The following SLC25A21 variants were observed in gnomAD, a reference collection of about 807,000 sequenced individuals.
The protein encoded by SLC25A21 is mitochondrial 2-oxodicarboxylate carrier.
In SLC25A21, 47 loss-of-function variants were observed where a neutral mutation model predicts 43.8. The observed-to-expected ratio is 1.07, with a 90% CI of 0.85 to 1.37. The LOEUF (loss-of-function observed/expected upper bound fraction) is 1.37. SLC25A21 is among the 40% of genes most tolerant of loss of function. The pLI is 0.00. For missense variants in SLC25A21, 352 were observed against 350.2 expected, an observed-to-expected ratio of 1.00 and a Z score of -0.04; for synonymous variants, 131 against 121.3, an observed-to-expected ratio of 1.08 and a Z score of -0.52.
rs530529538 is a variant in SLC25A21, at chr14:36,982,523, A to G, written c.71-107519T>C. 5.9e-5 allele frequency among the ~76,000 whole-genome samples: 9 copies of G among 152,208 alleles called. No homozygotes were observed. In the East Asian group the frequency reaches 1.3e-3, roughly 23 times the overall value. Reference sequence around the variant, plus strand: ...AAAGGTTTTAGTATTTATTAGGTGGACTGATTTTTTTTTAATTGGCTGTAC... The same window carrying G: ...AAAGGTTTTAGTATTTATTAGGTGGGCTGATTTTTTTTTAATTGGCTGTAC... On this transcript the variant is annotated intron_variant, in intron 1 of 9. Coordinates refer to ENST00000331299, the MANE Select transcript of SLC25A21 (RefSeq NM_030631.4).
intron 2 of SLC25A21, among the ~76,000 whole-genome samples, chr14:36,829,587 C>T (rs151292645): frequency 8.5e-5 from 13 of 152,282 alleles, no homozygotes; most frequent in African/African-American, 3.1e-4. Flanking sequence ...TTACATTTAA[C>T]TCATGTACAA....
At chr14:36,793,042 C>T (rs1226711492) in intron 3 of SLC25A21, among the ~76,000 whole-genome samples, 1 of 152,176 alleles carries the variant, frequency 6.6e-6, no homozygotes, top group East Asian at 1.9e-4. Flanking sequence ...GCGTCTTATA[C>T]TGGCATTACT....
chr14:37,102,761 A>G (rs2138866389), intron 1 of SLC25A21, among the ~76,000 whole-genome samples: 1 of 151,856 alleles, frequency 6.6e-6, no homozygotes, highest in East Asian at 2.0e-4. Flanking sequence ...TGACGCAAGC[A>G]GATCACTTGA....
chr14:37,053,503 T>C (rs1387028366), intron 1 of SLC25A21, among the ~76,000 whole-genome samples: 1 of 152,194 alleles, frequency 6.6e-6, no homozygotes, highest in Non-Finnish European at 1.5e-5. Flanking sequence ...TCTGACAATG[T>C]AGATACAGTA....
intron 3 of SLC25A21, among the ~76,000 whole-genome samples, chr14:36,755,424 CA>C (rs1199922579): frequency 1.3e-5 from 2 of 152,170 alleles, no homozygotes; most frequent in East Asian, 3.8e-4. Context: ...CACTCACAGG[CA>C]AGGTGATTTT....
At chr14:36,694,508 C>T (rs1271032052) in intron 7 of SLC25A21, among the ~76,000 whole-genome samples, 1 of 152,212 alleles carries the variant, frequency 6.6e-6, no homozygotes, top group African/African-American at 2.4e-5. Context: ...AATGGTTGAA[C>T]TAATTTACAC....
rs536680854 is a variant in SLC25A21 at position 36,981,604 on chromosome 14, C to T, written c.71-106600G>A. On this transcript the variant is annotated intron_variant, in intron 1 of 9. Coordinates refer to ENST00000331299, the MANE Select transcript of SLC25A21 (RefSeq NM_030631.4). The stretch of plus-strand genomic sequence containing the variant: ...ATCGCAAGGACAGAAAACCAAACAC[C>T]GCGTGTTCTCACTCATAGGTGGGAA... Among the ~76,000 whole-genome samples, 29 of 152,176 alleles carry T rather than the reference C, an allele frequency of 1.9e-4. 1 individual carries two copies. The highest frequency in any genetic ancestry group is 5.5e-4 in the African/African-American group (23 of 41,534).
intron 3 of SLC25A21, among the ~76,000 whole-genome samples, chr14:36,749,775 A>G (rs1160615399): frequency 2.0e-5 from 3 of 151,722 alleles, no homozygotes; most frequent in African/African-American, 7.3e-5. Context: ...CTCACTGTTC[A>G]CCTCCTTCAC....
At chr14:36,916,228 G>C (rs562977298) in intron 1 of SLC25A21, among the ~76,000 whole-genome samples, 6 of 152,320 alleles carry the variant, frequency 3.9e-5, no homozygotes, top group African/African-American at 1.2e-4. Flanking sequence ...AGTGACCTCT[G>C]ACAGTGCTAA....
chr14:37,054,681 A>G (rs2138802839), intron 1 of SLC25A21, among the ~76,000 whole-genome samples: 1 of 151,608 alleles, frequency 6.6e-6, no homozygotes, highest in East Asian at 1.9e-4. Context: ...AAGTTTGACA[A>G]GACTGTGGCC....
chr14:36,698,876 A>G (rs1020063988), intron 7 of SLC25A21, among the ~76,000 whole-genome samples: 1 of 152,146 alleles, frequency 6.6e-6, no homozygotes, highest in African/African-American at 2.4e-5. Context: ...CGTTTAGCTC[A>G]GAGAAGTTTG....
chr14:37,059,339 TG>T (rs1485010392), intron 1 of SLC25A21, among the ~76,000 whole-genome samples: 6 of 152,172 alleles, frequency 3.9e-5, no homozygotes, highest in Non-Finnish European at 5.9e-5. Context: ...CAGTAGACAG[TG>T]GCAGAGCGAG....
At chr14:36,876,118 T>C (rs1207270447) in intron 1 of SLC25A21, among the ~76,000 whole-genome samples, 2 of 152,212 alleles carry the variant, frequency 1.3e-5, no homozygotes, top group Admixed American at 6.5e-5. Context: ...AGTAGTTTCT[T>C]ATAGGCAGAG....
intron 1 of SLC25A21, among the ~76,000 whole-genome samples, chr14:36,884,876 T>C (rs1335205485): frequency 6.6e-6 from 1 of 152,180 alleles, no homozygotes; most frequent in Admixed American, 6.6e-5. Context: ...TATTAGTCCC[T>C]TGTCAGATGT....
At chr14:37,071,748 A>C (rs1962177898) in intron 1 of SLC25A21, among the ~76,000 whole-genome samples, 1 of 152,214 alleles carries the variant, frequency 6.6e-6, no homozygotes, top group Non-Finnish European at 1.5e-5. Flanking sequence ...TCAATTTTTT[A>C]AACTACTCTG....
chr14:36,715,083 C>A (rs1353892398), intron 6 of SLC25A21, among the ~76,000 whole-genome samples: 1 of 152,198 alleles, frequency 6.6e-6, no homozygotes, highest in Admixed American at 6.5e-5. Flanking sequence ...TTTACACACT[C>A]ATTCTTATTG....
chr14:37,144,726 A>G (rs1963629779), intron 1 of SLC25A21, among the ~76,000 whole-genome samples: 1 of 152,242 alleles, frequency 6.6e-6, no homozygotes, highest in Admixed American at 6.5e-5. Flanking sequence ...AAAGAATTAT[A>G]GTTAGCATAT....
chr14:36,955,058 G>A (rs1007493449), intron 1 of SLC25A21, among the ~76,000 whole-genome samples: 5 of 152,112 alleles, frequency 3.3e-5, no homozygotes, highest in African/African-American at 1.2e-4. Context: ...TACTTTTGAA[G>A]CCATCTGAAA....
intron 1 of SLC25A21, among the ~76,000 whole-genome samples, chr14:37,114,823 C>G (rs2043992631): frequency 6.6e-6 from 1 of 150,550 alleles, no homozygotes; most frequent in African/African-American, 2.4e-5. Flanking sequence ...TGGTGGTTTT[C>G]ATTCTTGTTT....
Sources: allele counts gnomAD v4.1 joint callset (sites outside exome capture counted in the v4.1 genomes callset), GRCh38; gene constraint gnomAD v4.1.1; transcripts MANE v1.5; gene names NCBI Gene and HGNC (gene_info 2026-07-23, HGNC 2026-07-21).